Variants in FGF12 observed in about 807,000 individuals in gnomAD.
FGF12 encodes the protein fibroblast growth factor 12, also known as fibroblast growth factor 12B.
Under a neutral mutation model 23.6 loss-of-function variants are expected in FGF12, and 14 were observed. That is an observed-to-expected ratio of 0.59 (90% confidence interval 0.39 to 0.93). The LOEUF (loss-of-function observed/expected upper bound fraction) is 0.93, where lower values mean the gene tolerates loss of function less well. FGF12 is among the 40% of genes least tolerant of loss of function. The pLI is 0.00. For missense variants in FGF12, 175 were observed against 217.8 expected (o/e 0.80, Z 1.24); for synonymous variants, 62 against 77.3 (o/e 0.80, Z 1.04).
At chr3:192,198,799 C>T (rs1417879855) in intron 4 of FGF12, among the ~76,000 whole-genome samples, 1 of 152,198 alleles carries the variant, frequency 6.6e-6, no homozygotes, top group African/African-American at 2.4e-5. Flanking sequence ...GGTCAACATG[C>T]TAGTGTCCAC....
intron 2 of FGF12, among the ~76,000 whole-genome samples, chr3:192,643,148 T>G (rs1715868096): frequency 6.6e-6 from 1 of 152,360 alleles, no homozygotes; most frequent in Middle Eastern, 3.4e-3. Context: ...GAGAAATTCT[T>G]TACTATTCTA....
chr3:192,300,516 G>A lies in FGF12; in HGVS notation c.228+34845C>T, dbSNP rs193186769. ...AGGTCCTGGGGGAAGCATGGTAGGTGCCAATTTTGGTCAAGTCAGGTCTTT... is the reference window on the plus strand; with the variant it reads ...AGGTCCTGGGGGAAGCATGGTAGGTACCAATTTTGGTCAAGTCAGGTCTTT... On this transcript the variant is annotated intron_variant, in intron 4 of 5. Transcript: ENST00000445105. 4.4e-4 allele frequency among the ~76,000 whole-genome samples: 67 copies of A among 152,104 alleles called. No homozygotes were observed. The East Asian group carries it at 0.011, about 26-fold the overall frequency.
At chr3:192,565,308 A>G (rs1257152727) in intron 2 of FGF12, among the ~76,000 whole-genome samples, 1 of 152,252 alleles carries the variant, frequency 6.6e-6, no homozygotes, top group Non-Finnish European at 1.5e-5. Flanking sequence ...TGCATTCAAA[A>G]TAATTTGCAT....
At chr3:192,305,679 AATAT>A (rs1241285508) in intron 4 of FGF12, among the ~76,000 whole-genome samples, 1 of 131,936 alleles carries the variant, frequency 7.6e-6, no homozygotes, top group African/African-American at 3.0e-5. Flanking sequence ...AAAAAAAAAA[AATAT>A]ATATATATAT....
At chr3:192,199,528 T>C (rs542614236) in intron 4 of FGF12, among the ~76,000 whole-genome samples, 2 of 152,324 alleles carry the variant, frequency 1.3e-5, no homozygotes, top group South Asian at 4.1e-4. Context: ...CAAATGTATA[T>C]GTGGCCTTCT....
At chr3:192,713,462 A>G (rs1462735947) in intron 2 of FGF12, among the ~76,000 whole-genome samples, 1 of 152,210 alleles carries the variant, frequency 6.6e-6, no homozygotes, top group Non-Finnish European at 1.5e-5. Context: ...AAAAACAGAA[A>G]AAGAAAGAAG....
intron 2 of FGF12, among the ~76,000 whole-genome samples, chr3:192,457,328 C>T (rs1376190061): frequency 6.6e-6 from 1 of 152,168 alleles, no homozygotes; most frequent in African/African-American, 2.4e-5. Context: ...GGCTGGAACA[C>T]TTTGTAGGGT....
chr3:192,488,630 A>G (rs541344105), intron 2 of FGF12, among the ~76,000 whole-genome samples: 1 of 152,212 alleles, frequency 6.6e-6, no homozygotes, highest in East Asian at 1.9e-4. Context: ...AAATATTAAC[A>G]AACGACCATC....
At chr3:192,285,132 T>C (rs1374895519) in intron 4 of FGF12, among the ~76,000 whole-genome samples, 2 of 152,120 alleles carry the variant, frequency 1.3e-5, no homozygotes, top group African/African-American at 2.4e-5. Context: ...AGTATACTGC[T>C]GCCCTATGAA....
At chr3:192,499,591 G>A (rs1724072206) in intron 2 of FGF12, among the ~76,000 whole-genome samples, 1 of 132,384 alleles carries the variant, frequency 7.6e-6, no homozygotes, top group African/African-American at 2.9e-5. Context: ...GAGTGCAGTG[G>A]CGCAATCTTG....
rs187211185 is a variant in FGF12, at chr3:192,460,764, A to G, written c.14-100226T>C. ...TTACAGTTGGAAACTTTTTTCTTAT[A>G]TATTATTTAATTTGCTACTTTCAAG... On this transcript the variant is annotated intron_variant, in intron 2 of 5. Coordinates refer to ENST00000445105, the MANE Select transcript of FGF12 (RefSeq NM_004113.6). 7.6e-3 allele frequency among the ~76,000 whole-genome samples: 1,147 copies of G among 151,624 alleles called. 7 individuals carry two copies. Among genetic ancestry groups the G allele is most frequent in the Admixed American group, 0.016 (239 of 15,226 alleles).
At chr3:192,255,534 A>C (rs1245223787) in intron 4 of FGF12, among the ~76,000 whole-genome samples, 2 of 152,086 alleles carry the variant, frequency 1.3e-5, no homozygotes. Flanking sequence ...AAGTTTTCCA[A>C]TCTATTCCAA....
intron 2 of FGF12, among the ~76,000 whole-genome samples, chr3:192,493,788 A>G (rs1436176537): frequency 1.3e-5 from 2 of 152,170 alleles, no homozygotes; most frequent in Non-Finnish European, 2.9e-5. Flanking sequence ...AACAGCACCA[A>G]GGGGGATGGT....
intron 2 of FGF12, among the ~76,000 whole-genome samples, chr3:192,533,304 C>T (rs1725140951): frequency 6.6e-6 from 1 of 152,134 alleles, no homozygotes; most frequent in African/African-American, 2.4e-5. Flanking sequence ...TTACCAGAAA[C>T]AGCTGGGGCC....
At chr3:192,551,960 G>C (rs1346754231) in intron 2 of FGF12, among the ~76,000 whole-genome samples, 1 of 151,938 alleles carries the variant, frequency 6.6e-6, no homozygotes, top group Admixed American at 6.6e-5. Context: ...TAGATATATA[G>C]GTGGATATGT....
chr3:192,413,881 G>A (rs1721269613), intron 2 of FGF12, among the ~76,000 whole-genome samples: 2 of 152,152 alleles, frequency 1.3e-5, no homozygotes, highest in South Asian at 4.1e-4. Flanking sequence ...TAAAGTAGCT[G>A]TATTTCCACT....
chr3:192,436,840 G>A (rs962463530), intron 2 of FGF12, among the ~76,000 whole-genome samples: 1 of 152,180 alleles, frequency 6.6e-6, no homozygotes, highest in Non-Finnish European at 1.5e-5. Context: ...TACGCAAACT[G>A]CTGTCTCCCA....
At chr3:192,305,606 T>C (rs985396601) in intron 4 of FGF12, among the ~76,000 whole-genome samples, 1 of 147,472 alleles carries the variant, frequency 6.8e-6, no homozygotes, top group East Asian at 2.0e-4. Flanking sequence ...ATAGAAATTC[T>C]AAACTCCTGC....
At chr3:192,616,710 A>T (rs1714767738) in intron 2 of FGF12, among the ~76,000 whole-genome samples, 1 of 151,988 alleles carries the variant, frequency 6.6e-6, no homozygotes, top group Non-Finnish European at 1.5e-5. Flanking sequence ...GCTTGGTTGC[A>T]TGTGGAAATC....
Sources: allele counts gnomAD v4.1 joint callset (sites outside exome capture counted in the v4.1 genomes callset), GRCh38; gene constraint gnomAD v4.1.1; transcripts MANE v1.5; gene names NCBI Gene and HGNC (gene_info 2026-07-23, HGNC 2026-07-21).